The following PRKAR1A variants were observed in gnomAD, a reference collection of about 807,000 sequenced individuals.
PRKAR1A encodes protein kinase cAMP-dependent type I regulatory subunit alpha.
Under a neutral mutation model 52.0 loss-of-function variants are expected in PRKAR1A, and 3 were observed. The observed-to-expected ratio is 0.06, with a 90% CI of 0.03 to 0.15. The LOEUF is 0.15. Ranked by LOEUF, PRKAR1A falls within the 10% of genes least tolerant of loss-of-function variation. The pLI, the probability that PRKAR1A is intolerant of heterozygous loss-of-function variation, is 1.00. For synonymous variants in PRKAR1A, 188 were observed against 168.4 expected (o/e 1.12, Z -0.90); for missense variants, 240 against 477.4 (o/e 0.50, Z 4.63).
At chr17:68,458,682 T>C in the PRKAR1A span, among the ~76,000 whole-genome samples, 1 of 152,222 alleles carries the variant, frequency 6.6e-6, no homozygotes, top group Admixed American at 6.5e-5. Flanking sequence ...AAAAGCTGAG[T>C]ACTGTACATG....
In PRKAR1A at chr17:68,532,583, C is replaced by T. The variant is rs183453791; in HGVS notation, c.*2134C>T. On this transcript the variant is annotated 3_prime_UTR_variant, in exon 11 of 11. Coordinates refer to ENST00000589228, the MANE Select transcript of PRKAR1A (RefSeq NM_002734.5). ...TTCAAGGCTTTAAAAGTCATTATTC[C>T]TGGGCTTGGTAAGTGAATTTATGAG... The T allele has an allele frequency of 6.8e-4, 725 of 1,065,994 alleles. 2 individuals carry two copies. The African/African-American group carries it at 0.011, about 16-fold the overall frequency. The allele number at this position is 1,065,994 out of a possible 1,614,324, so 66.0% of individuals were successfully genotyped here.
At chr17:68,541,006 G>A (rs776387326) in intron 11 of PRKAR1A, 5 of 1,550,520 alleles carry the variant, frequency 3.2e-6, no homozygotes, top group Non-Finnish European at 2.6e-6. Flanking sequence ...AGATGGCAGG[G>A]TGTCGGGGGT....
the PRKAR1A span, among the ~76,000 whole-genome samples, chr17:68,450,217 C>T: frequency 1.3e-5 from 2 of 152,104 alleles, no homozygotes; most frequent in East Asian, 1.9e-4. Context: ...AATGAGAACC[C>T]AAGGCTGAAT....
At chr17:68,462,794 G>A in the PRKAR1A span, among the ~76,000 whole-genome samples, 1 of 152,190 alleles carries the variant, frequency 6.6e-6, no homozygotes, top group African/African-American at 2.4e-5. Context: ...GGACAGAGGA[G>A]CAAGGGGTGA....
At chr17:68,522,966 A>T in intron 3 of PRKAR1A, 40 bp downstream of exon 3, 1 of 1,609,082 alleles carries the variant, frequency 6.2e-7, no homozygotes, top group Non-Finnish European at 8.5e-7. Context: ...TGCTTTTGGG[A>T]CCCACTTGGT....
Position 68,532,574 on chromosome 17 carries a change from T to G in PRKAR1A, c.*2125T>G. The G allele has an allele frequency of 9.4e-7, 1 of 1,066,162 alleles. No homozygotes were observed. The highest frequency in any genetic ancestry group is 1.1e-6 in the Non-Finnish European group (1 of 879,594). The allele number at this position is 1,066,162 out of a possible 1,614,324, so 66.0% of individuals were successfully genotyped here. A position where few individuals can be genotyped will look rare whatever the true frequency, so the allele number is the denominator to read the frequency against. ...TAGTTGATATTCAAGGCTTTAAAAG[T>G]CATTATTCCTGGGCTTGGTAAGTGA... On this transcript the variant is annotated 3_prime_UTR_variant, in exon 11 of 11. Transcript: ENST00000589228.
At chr17:68,536,642 C>T (rs1346568524), downstream of PRKAR1A, 1 of 452,332 alleles carries the variant, frequency 2.2e-6, no homozygotes, top group Non-Finnish European at 4.4e-6. Context: ...GGTTGGTGGG[C>T]TGTAGTCAGC....
chr17:68,457,465 C>G, the PRKAR1A span: 1 of 1,415,666 alleles, frequency 7.1e-7, no homozygotes, highest in African/African-American at 1.5e-5. Context: ...CCGGCGACAG[C>G]CACCTCAGCA....
At chr17:68,492,314 G>A in the PRKAR1A span, among the ~76,000 whole-genome samples, 33 of 152,116 alleles carry the variant, frequency 2.2e-4, no homozygotes, top group African/African-American at 6.8e-4. Flanking sequence ...CACGGTTTGA[G>A]GCTTTAGCTT....
At chr17:68,426,250 G>GGGGGGGGGA in the PRKAR1A span, 1 of 828,060 alleles carries the variant, frequency 1.2e-6, no homozygotes, top group South Asian at 1.3e-5. Flanking sequence ...GGTGGGGAGC[G>GGGGGGGGGA]GGGGCTCAAA....
the PRKAR1A span, among the ~76,000 whole-genome samples, chr17:68,462,855 G>A: frequency 6.6e-6 from 1 of 152,298 alleles, no homozygotes; most frequent in Non-Finnish European, 1.5e-5. Context: ...AGTACAAGGG[G>A]GAGAGTGTGG....
chr17:68,451,064 C>T, the PRKAR1A span, among the ~76,000 whole-genome samples: 4 of 152,250 alleles, frequency 2.6e-5, no homozygotes, highest in African/African-American at 9.6e-5. Flanking sequence ...CCATGCCCCC[C>T]ACCCTGCCAG....
chr17:68,531,084 T>C lies in PRKAR1A; in HGVS notation c.*635T>C. The stretch of plus-strand genomic sequence containing the variant: ...TAATCTGCCTGGTTTTATTTATATC[T>C]TGTTATTAATGTTTCTTCTCCAATT... On this transcript the variant is annotated 3_prime_UTR_variant, in exon 11 of 11. Transcript: ENST00000589228. The C allele has an allele frequency of 2.8e-6, 3 of 1,068,060 alleles. No homozygotes were observed. Among genetic ancestry groups the C allele is most frequent in the Non-Finnish European group, 3.4e-6 (3 of 880,796 alleles). The allele number at this position is 1,068,060 out of a possible 1,614,324, so 66.2% of individuals were successfully genotyped here. A position where few individuals can be genotyped will look rare whatever the true frequency, so the allele number is the denominator to read the frequency against.
At chr17:68,444,534 T>G in the PRKAR1A span, 1 of 1,614,012 alleles carries the variant, frequency 6.2e-7, no homozygotes, top group Non-Finnish European at 8.5e-7. Context: ...CTTCAACAGC[T>G]TCATGTCTTT....
the PRKAR1A span, among the ~76,000 whole-genome samples, chr17:68,462,233 G>C: frequency 1.3e-5 from 2 of 152,118 alleles, no homozygotes; most frequent in African/African-American, 4.8e-5. Context: ...AAAACACCAA[G>C]GTGAATTACA....
chr17:68,535,421 T>C, downstream of PRKAR1A: 1 of 454,128 alleles, frequency 2.2e-6, no homozygotes, highest in South Asian at 1.6e-5. Flanking sequence ...GGTAGAGCTG[T>C]AGCCTGCTTT....
chr17:68,502,255 C>T, the PRKAR1A span, among the ~76,000 whole-genome samples: 1 of 152,154 alleles, frequency 6.6e-6, no homozygotes, highest in East Asian at 1.9e-4. Flanking sequence ...ATTTAAACTT[C>T]TAAGGCAGGG....
chr17:68,515,151 A>G, intron 1 of PRKAR1A: 1 of 515,676 alleles, frequency 1.9e-6, no homozygotes, highest in South Asian at 2.1e-5. Flanking sequence ...CCAGGAGCTG[A>G]GGTTATCGAC....
downstream of PRKAR1A, chr17:68,535,393 G>A (rs1330988517): frequency 2.2e-6 from 1 of 454,148 alleles, no homozygotes; most frequent in Admixed American, 2.3e-5. Flanking sequence ...CTTCGTTATA[G>A]GAGGTGGCGG....
Sources: gnomAD v4.1 joint callset for allele counts (sites outside exome capture counted in the v4.1 genomes callset) on GRCh38, gnomAD v4.1.1 for gene constraint, MANE v1.5 for transcripts, NCBI Gene and HGNC (gene_info 2026-07-23, HGNC 2026-07-21) for gene names.